The following AGMO variants were observed in gnomAD, a reference collection of about 807,000 sequenced individuals.
The protein encoded by AGMO is alkylglycerol monooxygenase, also known as glyceryl-ether monooxygenase.
Under a neutral mutation model 60.2 loss-of-function variants are expected in AGMO, and 75 were observed. The observed-to-expected ratio is 1.25, with a 90% CI of 1.03 to 1.51. AGMO has a LOEUF of 1.51. Among genes scored for constraint, AGMO ranks in the 40% most tolerant of loss-of-function variants. AGMO has a pLI of 0.00. For missense variants in AGMO, 763 were observed against 525.5 expected (o/e 1.45, Z -4.42); for synonymous variants, 261 against 177.1 (o/e 1.47, Z -3.76).
At chr7:15,263,146 C>T (rs183001329) in intron 12 of AGMO, among the ~76,000 whole-genome samples, 4 of 151,718 alleles carry the variant, frequency 2.6e-5, no homozygotes, top group East Asian at 1.9e-4. Flanking sequence ...ACAGACAACC[C>T]AAAGTTTGGG....
the AGMO span, among the ~76,000 whole-genome samples, chr7:15,124,188 C>T: frequency 1.2e-4 from 19 of 152,088 alleles, no homozygotes; most frequent in South Asian, 4.2e-4. Flanking sequence ...AACCCCAAAC[C>T]GACCAACCAC....
chr7:15,358,645 ATT>A (rs1267830767), intron 12 of AGMO, among the ~76,000 whole-genome samples: 1 of 152,094 alleles, frequency 6.6e-6, no homozygotes, highest in Non-Finnish European at 1.5e-5. Flanking sequence ...CTTCTGAACC[ATT>A]GAGAAGGAAG....
At chr7:15,391,159 G>C (rs1784120937) in intron 6 of AGMO, among the ~76,000 whole-genome samples, 1 of 151,736 alleles carries the variant, frequency 6.6e-6, no homozygotes, top group Non-Finnish European at 1.5e-5. Flanking sequence ...CAGTTTTTCA[G>C]TATAAAAATG....
chr7:15,210,644 G>A (rs1368683418), intron 12 of AGMO, among the ~76,000 whole-genome samples: 1 of 151,992 alleles, frequency 6.6e-6, no homozygotes, highest in African/African-American at 2.4e-5. Flanking sequence ...ATAACGGAGT[G>A]ATATTCCTAT....
At position 15,366,120 on chromosome 7, in the gene AGMO, G is replaced by GC. The variant is rs1359094469; in HGVS notation, c.1157+19dup. 6.4e-7 allele frequency: 1 copy of GC among 1,573,752 alleles called. No homozygotes were observed. Among genetic ancestry groups the GC allele is most frequent in the Admixed American group, 1.7e-5 (1 of 58,238 alleles). On this transcript the variant is annotated intron_variant, in intron 11 of 12. Coordinates refer to ENST00000342526, the MANE Select transcript of AGMO (RefSeq NM_001004320.2). The stretch of plus-strand genomic sequence containing the variant: ...TGAATTGAGTAAAAGTAAAAACAAT[G>GC]CAAGAATTTCACTTCTTGCCTTTGA...
chr7:15,273,999 T>G (rs1783702057), intron 12 of AGMO, among the ~76,000 whole-genome samples: 1 of 152,234 alleles, frequency 6.6e-6, no homozygotes, highest in East Asian at 1.9e-4. Flanking sequence ...CTGAAGTTAC[T>G]TATCAGCTTA....
At chr7:15,430,536 T>C (rs943079199) in intron 4 of AGMO, among the ~76,000 whole-genome samples, 1 of 151,064 alleles carries the variant, frequency 6.6e-6, no homozygotes, top group Non-Finnish European at 1.5e-5. Flanking sequence ...TGGATCATGA[T>C]ATTGATCTAT....
chr7:15,124,526 T>C, the AGMO span, among the ~76,000 whole-genome samples: 5 of 152,202 alleles, frequency 3.3e-5, no homozygotes, highest in African/African-American at 1.2e-4. Context: ...CAGATAAAGC[T>C]TCTCCTGCTT....
chr7:15,517,422 C>G (rs979718026), intron 3 of AGMO, among the ~76,000 whole-genome samples: 2 of 151,002 alleles, frequency 1.3e-5, no homozygotes, highest in Non-Finnish European at 2.9e-5. Context: ...CCAGCGAGAC[C>G]AATGCAGAAG....
At chr7:15,141,183 G>C in the AGMO span, among the ~76,000 whole-genome samples, 1 of 152,172 alleles carries the variant, frequency 6.6e-6, no homozygotes, top group African/African-American at 2.4e-5. Context: ...GGGAGTGCTT[G>C]TAGGACAGGC....
intron 12 of AGMO, among the ~76,000 whole-genome samples, chr7:15,265,074 G>A (rs986203182): frequency 5.3e-5 from 8 of 152,044 alleles, no homozygotes; most frequent in Admixed American, 1.3e-4. Flanking sequence ...AATGTGATAT[G>A]TATACACTAT....
At chr7:15,531,077 A>G (rs1348388908) in intron 3 of AGMO, among the ~76,000 whole-genome samples, 3 of 73,678 alleles carry the variant, frequency 4.1e-5, no homozygotes, top group African/African-American at 1.7e-4. Context: ...TATTCTATAT[A>G]TATTCTATAT....
At chr7:15,312,700 C>T (rs544561539) in intron 12 of AGMO, among the ~76,000 whole-genome samples, 4 of 151,788 alleles carry the variant, frequency 2.6e-5, no homozygotes, top group South Asian at 2.1e-4. Context: ...TTTTTCCCCC[C>T]GAGACAGAGT....
At chr7:15,524,446 G>A (rs1426260745) in intron 3 of AGMO, among the ~76,000 whole-genome samples, 1 of 151,968 alleles carries the variant, frequency 6.6e-6, no homozygotes, top group Non-Finnish European at 1.5e-5. Context: ...AAGTTTAATT[G>A]GTAATTATTT....
chr7:15,472,172 C>G (rs1455699882), intron 3 of AGMO, among the ~76,000 whole-genome samples: 2 of 151,838 alleles, frequency 1.3e-5, no homozygotes, highest in Non-Finnish European at 2.9e-5. Context: ...TTCACTCTAC[C>G]TGGTACTCAG....
chr7:15,238,940 G>A (rs1782507543), intron 12 of AGMO, among the ~76,000 whole-genome samples: 1 of 152,268 alleles, frequency 6.6e-6, no homozygotes, highest in Admixed American at 6.5e-5. Context: ...GTTTGCATAT[G>A]TAAACTTTTT....
chr7:15,215,082 G>A (rs1407066679), intron 12 of AGMO, among the ~76,000 whole-genome samples: 1 of 152,080 alleles, frequency 6.6e-6, no homozygotes, highest in East Asian at 1.9e-4. Flanking sequence ...TATAAGTAGA[G>A]TAAGCTAATT....
intron 3 of AGMO, among the ~76,000 whole-genome samples, chr7:15,516,584 T>G (rs528725021): frequency 6.6e-6 from 1 of 152,340 alleles, no homozygotes; most frequent in East Asian, 1.9e-4. Flanking sequence ...TATTTACAAC[T>G]TCCTTTGTAA....
chr7:15,204,031 G>T (rs1781377567), intron 12 of AGMO, among the ~76,000 whole-genome samples: 1 of 151,942 alleles, frequency 6.6e-6, no homozygotes, highest in Admixed American at 6.6e-5. Flanking sequence ...AAGGATCATA[G>T]AAATAAAATA....
Sources: gnomAD v4.1 joint callset for allele counts (sites outside exome capture counted in the v4.1 genomes callset) on GRCh38, gnomAD v4.1.1 for gene constraint, MANE v1.5 for transcripts, NCBI Gene and HGNC (gene_info 2026-07-23, HGNC 2026-07-21) for gene names.